Variants in EGFR observed in about 807,000 individuals in gnomAD.
The protein encoded by EGFR is epidermal growth factor receptor.
In EGFR, 58 loss-of-function variants were observed where a neutral mutation model predicts 143.0. That is an observed-to-expected ratio of 0.41 (90% CI 0.33 to 0.50). The LOEUF (loss-of-function observed/expected upper bound fraction) is 0.50. Ranked by LOEUF, EGFR falls within the 20% of genes least tolerant of loss-of-function variation. The pLI, the probability that EGFR is intolerant of heterozygous loss-of-function variation, is 0.39. For missense variants in EGFR, 1,307 were observed against 1,579.0 expected (o/e 0.83, Z 2.92); for synonymous variants, 613 against 594.4 (o/e 1.03, Z -0.45).
intron 16 of EGFR, 115 bp from the exon 17 acceptor site, chr7:55,172,868 C>G (rs1786413492): frequency 1.2e-6 from 2 of 1,605,712 alleles, no homozygotes; most frequent in East Asian, 4.5e-5. Flanking sequence ...GTCTCACTTT[C>G]CAAGATCATT....
rs139941423 is a variant in EGFR at position 55,085,684 on chromosome 7, G to A, written c.89-56602G>A. ...AGCCATACCATAAAGTCAGTAGTGC[G>A]TGGTGGAATTCTGCTAACGAAAATT... On this transcript the variant is annotated intron_variant, in intron 1 of 27. Coordinates refer to ENST00000275493, the MANE Select transcript of EGFR (RefSeq NM_005228.5). Among the ~76,000 whole-genome samples, 10 of 152,328 alleles carry A rather than the reference G, an allele frequency of 6.6e-5. No individual in the cohort carries two copies. The East Asian group carries it at 9.6e-4, about 15-fold the overall frequency.
Position 55,211,590 on chromosome 7 carries a change from A to C in EGFR, c.*5973A>C, listed in dbSNP as rs748901449. On this transcript the variant is annotated 3_prime_UTR_variant, in exon 28 of 28. Coordinates refer to ENST00000275493, the MANE Select transcript of EGFR (RefSeq NM_005228.5). ...TATTATTCATTGTTCTTTACTCCTG[A>C]GTACCTTATAATAATAATAATGTAT... The C allele has an allele frequency of 1.4e-5, 2 of 146,160 alleles. No homozygotes were observed. Among genetic ancestry groups the C allele is most frequent in the African/African-American group, 2.7e-5 (1 of 37,506 alleles). The allele number at this position is 146,160 out of a possible 1,614,324, so 9.1% of individuals were successfully genotyped here. A position where few individuals can be genotyped will look rare whatever the true frequency, so the allele number is the denominator to read the frequency against.
Position 55,146,624 on chromosome 7 carries a change from T to TGCG in EGFR, c.445_447dup (p.Arg149dup). The TGCG allele has an allele frequency of 6.2e-7, 1 of 1,614,130 alleles. No homozygotes were observed. The highest frequency in any genetic ancestry group is 8.5e-7 in the Non-Finnish European group (1 of 1,180,026). On this transcript the variant is annotated inframe_insertion, in exon 4 of 28. Coordinates refer to ENST00000275493, the MANE Select transcript of EGFR (RefSeq NM_005228.5). ...CCCGCAGAAATCCTGCATGGCGCCG[T>TGCG]GCGGTTCAGCAACAACCCTGCCCTG...
chr7:55,025,968 CA>C (rs1198839094), intron 1 of EGFR, among the ~76,000 whole-genome samples: 1 of 151,624 alleles, frequency 6.6e-6, no homozygotes. Flanking sequence ...GTGGCTGAAC[CA>C]AAAAAAGTAG....
At chr7:55,167,951 A>G (rs1786151096) in intron 15 of EGFR, among the ~76,000 whole-genome samples, 1 of 152,198 alleles carries the variant, frequency 6.6e-6, no homozygotes, top group Admixed American at 6.5e-5. Context: ...GTGAAAAACA[A>G]CATTTGCTAT....
chr7:55,195,720 G>A (rs563853153), intron 22 of EGFR, among the ~76,000 whole-genome samples: 32 of 152,216 alleles, frequency 2.1e-4, no homozygotes, highest in African/African-American at 7.2e-4. Context: ...CCCTCTAAGT[G>A]TCCATGTGTT....
At chr7:55,164,311 C>G (rs991577489) in intron 14 of EGFR, among the ~76,000 whole-genome samples, 2 of 152,082 alleles carry the variant, frequency 1.3e-5, no homozygotes, top group Admixed American at 1.3e-4. Context: ...AGTGAGAATT[C>G]GGGCCCCTCT....
chr7:55,038,608 TG>T (rs1354458186), intron 1 of EGFR, among the ~76,000 whole-genome samples: 6 of 152,212 alleles, frequency 3.9e-5, no homozygotes, highest in African/African-American at 1.4e-4. Context: ...TGTATCCACT[TG>T]GAAAAGATTG....
chr7:55,066,821 C>A (rs1275254760), intron 1 of EGFR, among the ~76,000 whole-genome samples: 1 of 152,182 alleles, frequency 6.6e-6, no homozygotes, highest in African/African-American at 2.4e-5. Context: ...GGAACAAAGT[C>A]TTTGATGTGT....
intron 26 of EGFR, 114 bp from the exon 27 acceptor site, chr7:55,202,403 C>G: frequency 1.1e-6 from 1 of 907,028 alleles, no homozygotes; most frequent in Non-Finnish European, 1.7e-6. Context: ...ACTCTCAGGC[C>G]TGCCCAACCT....
At chr7:55,149,769 G>A (rs1387133190) in intron 4 of EGFR, among the ~76,000 whole-genome samples, 1 of 152,096 alleles carries the variant, frequency 6.6e-6, no homozygotes, top group Non-Finnish European at 1.5e-5. Context: ...AATAAATTTT[G>A]TGAACAAATT....
At chr7:55,120,284 G>A (rs557927334) in intron 1 of EGFR, among the ~76,000 whole-genome samples, 3 of 152,306 alleles carry the variant, frequency 2.0e-5, no homozygotes, top group South Asian at 2.1e-4. Flanking sequence ...CTGCCTACAC[G>A]TGGAGGGCCC....
At chr7:55,192,011 CT>C in intron 21 of EGFR, 137 bp downstream of exon 21, 1 of 1,339,464 alleles carries the variant, frequency 7.5e-7, no homozygotes, top group Non-Finnish European at 1.0e-6. Flanking sequence ...GCAGCTGCTG[CT>C]GGCAGCTGGG....
Position 55,174,033 on chromosome 7 carries a change from C to T in EGFR, c.2174C>T (p.Thr725Met), listed in dbSNP as rs767505234. 12 of 1,614,064 alleles carry T rather than the reference C, an allele frequency of 7.4e-6. No individual in the cohort carries two copies. Among genetic ancestry groups the T allele is most frequent in the Admixed American group, 1.7e-5 (1 of 60,006 alleles). The change falls in exon 18 of 28, where the codon ACG becomes ATG. Residue 725 changes from threonine (T) to methionine (M), a missense_variant. This residue lies in a region of EGFR where 348 missense variants were observed against 451.5 expected (regional missense o/e 0.77). Transcript: ENST00000275493. ...GTGCTGGGCTCCGGTGCGTTCGGCA[C>T]GGTGTATAAGGTAAGGTCCCTGGCA... Reference protein sequence around the residue: ...IKVLGSGAFGTVYKGLWIPEG... With the variant: ...IKVLGSGAFGMVYKGLWIPEG...
chr7:55,168,271 C>T (rs1459271788), intron 15 of EGFR, among the ~76,000 whole-genome samples: 2 of 152,136 alleles, frequency 1.3e-5, no homozygotes, highest in East Asian at 3.8e-4. Context: ...TTTATCTTCC[C>T]CCTTTTCTTT....
At position 55,173,023 on chromosome 7, in the gene EGFR, C is replaced by T. The variant is rs1584222281; in HGVS notation, c.1960C>T (p.Leu654Phe). Residue 654 changes from leucine (L) to phenylalanine (F), a missense_variant, in exon 17 of 28, where the codon CTC (leucine) becomes TTC (phenylalanine). Physicochemically the swap from Leu to Phe is conservative, Grantham distance 22. This residue lies in a region of EGFR where 348 missense variants were observed against 451.5 expected (regional missense o/e 0.77). Transcript: ENST00000275493. The stretch of plus-strand genomic sequence containing the variant: ...CATCGCCACTGGGATGGTGGGGGCC[C>T]TCCTCTTGCTGCTGGTGGTGGCCCT... The part of the protein sequence containing the change: ...PSIATGMVGA[L>F]LLLLVVALGI... 1.2e-6 allele frequency: 2 copies of T among 1,614,040 alleles called. No homozygotes were observed. Among genetic ancestry groups the T allele is most frequent in the South Asian group, 2.2e-5 (2 of 91,088 alleles).
intron 20 of EGFR, 150 bp downstream of exon 20, chr7:55,181,628 A>G (rs2128959212): frequency 1.1e-6 from 1 of 925,482 alleles, no homozygotes; most frequent in Non-Finnish European, 1.7e-6. Context: ...GGATTCAATC[A>G]AGTTGATCTT....
chr7:55,150,746 T>A (rs1248349290), intron 4 of EGFR, among the ~76,000 whole-genome samples: 3 of 152,158 alleles, frequency 2.0e-5, no homozygotes, highest in African/African-American at 7.2e-5. Flanking sequence ...ATAGCTAAGG[T>A]TTTACACAGT....
chr7:55,090,012 A>G (rs923104793), intron 1 of EGFR, among the ~76,000 whole-genome samples: 13 of 151,856 alleles, frequency 8.6e-5, no homozygotes, highest in Non-Finnish European at 1.5e-4. Context: ...TCTGTTGCCC[A>G]GGCTGGAGTT....
Sources: gnomAD v4.1 joint callset for allele counts (sites outside exome capture counted in the v4.1 genomes callset) on GRCh38, gnomAD v4.1.1 for gene constraint, gnomAD v4.1.1 regional missense constraint, MANE v1.5 for transcripts, NCBI Gene and HGNC (gene_info 2026-07-23, HGNC 2026-07-21) for gene names.